Variants in EIF3E observed in about 807,000 individuals in gnomAD.
EIF3E encodes the protein eIF-3 p48.
EIF3E carries 25 observed loss-of-function variants against 59.3 expected under a neutral mutation model. The ratio of observed to expected loss-of-function variants is 0.42; its 90% CI spans 0.31 to 0.59. The LOEUF is 0.59. Among genes scored for constraint, EIF3E ranks in the 20% least tolerant of loss-of-function variants. The pLI is 0.15. For missense variants in EIF3E, 317 were observed against 534.3 expected (o/e 0.59, Z 4.01); for synonymous variants, 176 against 170.2 (o/e 1.03, Z -0.26).
intron 1 of EIF3E, among the ~76,000 whole-genome samples, chr8:108,245,404 G>A (rs1815929131): frequency 6.6e-6 from 1 of 152,144 alleles, no homozygotes; most frequent in African/African-American, 2.4e-5. Context: ...AGAAAGTCAG[G>A]GCTGTAATGA....
At chr8:108,244,892 C>A (rs1381541332) in intron 1 of EIF3E, among the ~76,000 whole-genome samples, 1 of 151,852 alleles carries the variant, frequency 6.6e-6, no homozygotes, top group Non-Finnish European at 1.5e-5. Flanking sequence ...TCGATCACAT[C>A]TGTGCTTCTC....
At position 108,240,030 on chromosome 8, in the gene EIF3E, A is replaced by G; in HGVS notation, c.251T>C (p.Leu84Pro). ...CACAATTGGTTCTGTTTCTGCCTGA[A>G]GCTGTTTCAGTTGTGCAACCACTGT... ...RTTVVAQLKQ[L>P]QAETEPIVKM... The change falls in exon 3 of 13, where the codon CTT becomes CCT. Residue 84 changes from leucine (L) to proline (P), a missense_variant. Leu to Pro is a moderately conservative substitution (Grantham distance 98). Coordinates refer to ENST00000220849, the MANE Select transcript of EIF3E (RefSeq NM_001568.3). The G allele has an allele frequency of 6.2e-7, 1 of 1,614,088 alleles. No homozygotes were observed. Among genetic ancestry groups the G allele is most frequent in the South Asian group, 1.1e-5 (1 of 91,078 alleles).
At chr8:108,209,108 T>C (rs1815160187) in intron 10 of EIF3E, among the ~76,000 whole-genome samples, 1 of 152,136 alleles carries the variant, frequency 6.6e-6, no homozygotes, top group Non-Finnish European at 1.5e-5. Context: ...TAGAGTTATT[T>C]AATAAACAAT....
At position 108,239,978 on chromosome 8, in the gene EIF3E, T is replaced by G; in HGVS notation, c.303A>C (p.Thr101=). ...TTTACCTGGTTGACTGCATTTGCCT[T>G]GTAGTTTCTGGATCTTCAAACATCT... ...IVKMFEDPET[T]RQMQSTRDGR... The change falls in exon 3 of 13, where the codon ACA becomes ACC. Residue 101 remains threonine, a synonymous_variant. Coordinates refer to ENST00000220849, the MANE Select transcript of EIF3E (RefSeq NM_001568.3). 3 of 1,614,022 alleles carry G rather than the reference T, an allele frequency of 1.9e-6. No homozygotes were observed. Among genetic ancestry groups the G allele is most frequent in the Non-Finnish European group, 2.5e-6 (3 of 1,179,914 alleles).
At chr8:108,244,752 C>G (rs931301298) in intron 1 of EIF3E, among the ~76,000 whole-genome samples, 1 of 151,926 alleles carries the variant, frequency 6.6e-6, no homozygotes, top group Non-Finnish European at 1.5e-5. Flanking sequence ...ATCATTGATT[C>G]TTTCAAACTA....
intron 7 of EIF3E, among the ~76,000 whole-genome samples, chr8:108,221,332 T>C (rs1211993868): frequency 6.6e-6 from 1 of 152,184 alleles, no homozygotes; most frequent in Non-Finnish European, 1.5e-5. Flanking sequence ...TGCCTCACTT[T>C]CATTAATTTT....
rs769345871 is a variant in EIF3E at position 108,228,431 on chromosome 8, T to C, written c.598-40A>G. On this transcript the variant is annotated intron_variant, in intron 6 of 12. Transcript: ENST00000220849. ...AATATATACATAAAAAATATTAATA[T>C]ATAAGAAAGAGGCAGGAGGACAAAC... is the stretch of plus-strand genomic sequence containing the variant. 6 of 1,368,442 alleles carry C rather than the reference T, an allele frequency of 4.4e-6. No individual in the cohort carries two copies. In the African/African-American group the frequency reaches 9.1e-5, roughly 21 times the overall value. 84.8% of individuals were successfully genotyped at this position (1,368,442 alleles called of 1,614,324 possible).
chr8:108,248,314 C>G (rs1343784649), intron 1 of EIF3E, among the ~76,000 whole-genome samples: 1 of 152,176 alleles, frequency 6.6e-6, no homozygotes, highest in Non-Finnish European at 1.5e-5. Context: ...CTAGCGAAAC[C>G]AGCGAATCGC....
At chr8:108,225,777 G>T (rs1339814562) in intron 7 of EIF3E, among the ~76,000 whole-genome samples, 3 of 151,420 alleles carry the variant, frequency 2.0e-5, no homozygotes, top group African/African-American at 7.4e-5. Flanking sequence ...CATCACAACA[G>T]ACTGCAAGAA....
chr8:108,234,881 T>C, intron 5 of EIF3E, 117 bp downstream of exon 5: 1 of 503,976 alleles, frequency 2.0e-6, no homozygotes, highest in Non-Finnish European at 3.2e-6. Context: ...CTTTTGCCAA[T>C]GACTGTTGAA....
intron 10 of EIF3E, among the ~76,000 whole-genome samples, chr8:108,205,162 G>A (rs950012405): frequency 5.3e-5 from 8 of 152,092 alleles, no homozygotes; most frequent in African/African-American, 1.9e-4. Context: ...TCTCCCATCT[G>A]TGATACATCA....
chr8:108,202,034 A>G (rs1267606794), intron 12 of EIF3E, 111 bp from the exon 13 acceptor site: 1 of 984,980 alleles, frequency 1.0e-6, no homozygotes, highest in African/African-American at 1.7e-5. Context: ...TCTCTTGCCA[A>G]ACCATTCTAA....
At chr8:108,204,799 A>G (rs1409493225) in intron 10 of EIF3E, among the ~76,000 whole-genome samples, 8 of 143,678 alleles carry the variant, frequency 5.6e-5, no homozygotes, top group Admixed American at 2.1e-4. Flanking sequence ...AGAGAGAGAG[A>G]GAGACTGAAT....
chr8:108,243,715 C>T (rs1423856110), intron 1 of EIF3E, among the ~76,000 whole-genome samples: 6 of 146,782 alleles, frequency 4.1e-5, no homozygotes, highest in African/African-American at 1.0e-4. Flanking sequence ...TAAATGTATT[C>T]GCTATTCATT....
intron 10 of EIF3E, among the ~76,000 whole-genome samples, chr8:108,212,491 G>A (rs1311317323): frequency 2.0e-5 from 3 of 152,158 alleles, no homozygotes; most frequent in African/African-American, 7.2e-5. Context: ...CTTTCAGATT[G>A]AAAATTCTAC....
At chr8:108,242,077 C>CA (rs1815848915) in intron 1 of EIF3E, 164 bp from the exon 2 acceptor site, 2 of 1,428,778 alleles carry the variant, frequency 1.4e-6, no homozygotes, top group African/African-American at 2.9e-5. Flanking sequence ...ATATGGCAAG[C>CA]AACCAACCTA....
chr8:108,217,367 C>A lies in EIF3E; in HGVS notation c.816G>T (p.Gln272His). The change falls in exon 8 of 13, where the codon CAG (glutamine) becomes CAT (histidine). Residue 272 changes from glutamine to histidine, a missense_variant. Coordinates refer to ENST00000220849, the MANE Select transcript of EIF3E (RefSeq NM_001568.3). ...ITNKDVRKRR[Q>H]VLKDLVKVIQ... ...TAACTTTAACTAGATCTTTTAGAAC[C>A]TGCCGACGTTTTCGAACATCCTTGT... is the stretch of plus-strand genomic sequence containing the variant. 6.3e-7 allele frequency: 1 copy of A among 1,578,176 alleles called. No homozygotes were observed.
intron 3 of EIF3E, among the ~76,000 whole-genome samples, chr8:108,236,517 G>C (rs1158125090): frequency 6.6e-6 from 1 of 152,174 alleles, no homozygotes; most frequent in Non-Finnish European, 1.5e-5. Flanking sequence ...ACTATTTCTA[G>C]TAAGGTCAGT....
rs1232710124 is a variant in EIF3E, at chr8:108,229,147, C to T, written c.520G>A (p.Ala174Thr). The change falls in exon 6 of 13, where the codon GCC becomes ACC. Residue 174 changes from alanine to threonine, a missense_variant. This residue lies in a region of EIF3E where 242 missense variants were observed against 398.0 expected (regional missense o/e 0.61). Transcript: ENST00000220849. ...CAATTCTGCATTAAGATTTCAGAGGCCAGCTTTCCCCAGAGTGAACTTAAA... is the reference window on the plus strand; with the variant it reads ...CAATTCTGCATTAAGATTTCAGAGGTCAGCTTTCCCCAGAGTGAACTTAAA... Reference protein sequence around the residue: ...NALSSLWGKLASEILMQNWDA... With the variant: ...NALSSLWGKLTSEILMQNWDA... 1.4e-5 allele frequency: 22 copies of T among 1,613,372 alleles called. No individual in the cohort carries two copies. The highest frequency in any genetic ancestry group is 1.8e-5 in the Non-Finnish European group (21 of 1,179,652).
Sources: allele counts gnomAD v4.1 joint callset (sites outside exome capture counted in the v4.1 genomes callset), GRCh38; gene constraint gnomAD v4.1.1; regional missense constraint gnomAD v4.1.1; transcripts MANE v1.5; gene names NCBI Gene and HGNC (gene_info 2026-07-23, HGNC 2026-07-21).